Variants in CHIC2 observed in about 807,000 individuals in gnomAD.
CHIC2 encodes the protein cysteine rich hydrophobic domain 2, also known as cysteine-rich hydrophobic domain-containing protein 2.
A neutral mutation model predicts 25.9 loss-of-function variants in CHIC2; 14 were observed. The ratio of observed to expected loss-of-function variants is 0.54; its 90% CI spans 0.36 to 0.85. The LOEUF (loss-of-function observed/expected upper bound fraction) is 0.85. Ranked by LOEUF, CHIC2 falls within the 40% of genes least tolerant of loss-of-function variation. The pLI, the probability that CHIC2 is intolerant of heterozygous loss-of-function variation, is 0.01. For missense variants in CHIC2, 146 were observed against 202.0 expected (o/e 0.72, Z 1.68); for synonymous variants, 70 against 72.0 (o/e 0.97, Z 0.14).
In CHIC2 at chr4:54,062,522, C is replaced by T. The variant is rs150337487; in HGVS notation, c.119+1660G>A. The stretch of plus-strand genomic sequence containing the variant: ...ATTTTCTACCCTATTAACCTCTCCA[C>T]GTAGCCAACTACAATCAAGTTTACT... On this transcript the variant is annotated intron_variant, in intron 1 of 5. Coordinates refer to ENST00000263921, the MANE Select transcript of CHIC2 (RefSeq NM_012110.4). 6.5e-3 allele frequency among the ~76,000 whole-genome samples: 994 copies of T among 152,246 alleles called. 7 individuals are homozygous for T. The highest frequency in any genetic ancestry group is 0.022 in the African/African-American group (932 of 41,526).
chr4:54,046,881 A>C (rs1351745987), intron 3 of CHIC2, among the ~76,000 whole-genome samples: 3 of 152,210 alleles, frequency 2.0e-5, no homozygotes, highest in Admixed American at 6.5e-5. Flanking sequence ...AATGGGAGAA[A>C]ATTTTTGCAA....
chr4:54,087,810 A>G, the CHIC2 span: 29 of 409,920 alleles, frequency 7.1e-5, no homozygotes, highest in African/African-American at 5.1e-4. Flanking sequence ...ATTCACTGTT[A>G]TTTCCCTGAG....
At chr4:54,055,493 T>C (rs1473381239) in intron 1 of CHIC2, among the ~76,000 whole-genome samples, 1 of 152,166 alleles carries the variant, frequency 6.6e-6, no homozygotes, top group Non-Finnish European at 1.5e-5. Flanking sequence ...AGGCTGCCGT[T>C]GAAGCTGATT....
At chr4:54,051,227 A>G (rs997594700) in intron 1 of CHIC2, among the ~76,000 whole-genome samples, 1 of 152,010 alleles carries the variant, frequency 6.6e-6, no homozygotes, top group Non-Finnish European at 1.5e-5. Context: ...CCAGAACTAC[A>G]TAGTCAATCA....
In CHIC2 at chr4:54,028,242, TTTTAAATTCC is replaced by T. The variant is rs914812724; in HGVS notation, c.331-14133_331-14124del. Among the ~76,000 whole-genome samples the T allele has an allele frequency of 1.5e-3, 226 of 152,362 alleles. 1 individual carries two copies. The highest frequency in any genetic ancestry group is 5.0e-3 in the African/African-American group (207 of 41,590). On this transcript the variant is annotated intron_variant, in intron 3 of 5. Coordinates refer to ENST00000263921, the MANE Select transcript of CHIC2 (RefSeq NM_012110.4). ...CCTGAATTTCCTAACTCATGAAATCTTTTAAATTCCTTCCAAAGCTCTAAAACCTCTCTCT... is the reference window on the plus strand; with the variant it reads ...CCTGAATTTCCTAACTCATGAAATCTTTCCAAAGCTCTAAAACCTCTCTCT...
chr4:54,087,377 C>A, the CHIC2 span: 1 of 566,002 alleles, frequency 1.8e-6, no homozygotes, highest in Non-Finnish European at 3.2e-6. Flanking sequence ...CCCTGCTAAG[C>A]AAAATGTAGA....
intron 1 of CHIC2, among the ~76,000 whole-genome samples, chr4:54,052,407 C>A (rs1717029272): frequency 6.6e-6 from 1 of 152,126 alleles, no homozygotes; most frequent in African/African-American, 2.4e-5. Context: ...AATGTACCTA[C>A]AAGTTTACAT....
chr4:54,031,118 G>C (rs1192190258), intron 3 of CHIC2, among the ~76,000 whole-genome samples: 1 of 151,354 alleles, frequency 6.6e-6, no homozygotes, highest in Non-Finnish European at 1.5e-5. Flanking sequence ...ACACATTTTT[G>C]GAACTGGAAA....
the CHIC2 span, among the ~76,000 whole-genome samples, chr4:54,075,015 G>A: frequency 6.6e-6 from 1 of 152,182 alleles, no homozygotes; most frequent in Non-Finnish European, 1.5e-5. Context: ...GGAGGCTGAG[G>A]TGGGAGGATC....
At chr4:54,091,415 A>G in the CHIC2 span, among the ~76,000 whole-genome samples, 1 of 152,026 alleles carries the variant, frequency 6.6e-6, no homozygotes, top group Non-Finnish European at 1.5e-5. Flanking sequence ...CTCTCTACGC[A>G]CGTTCTCACA....
intron 1 of CHIC2, among the ~76,000 whole-genome samples, chr4:54,049,528 G>A (rs111709207): frequency 6.6e-6 from 1 of 152,276 alleles, no homozygotes; most frequent in African/African-American, 2.4e-5. Flanking sequence ...ATAAGGGGCT[G>A]AATGTTAATT....
rs542064027 is a variant in CHIC2 at position 54,053,736 on chromosome 4, A to G, written c.120-4431T>C. Among the ~76,000 whole-genome samples the G allele has an allele frequency of 6.6e-5, 10 of 152,122 alleles. No homozygotes were observed. The South Asian group carries it at 2.1e-3, about 32-fold the overall frequency. ...TTTTGTGTCATTTGTTTTTTTTTAA[A>G]TAAGAGCTATTTTTCAGAAATGTAT... is the stretch of plus-strand genomic sequence containing the variant. On this transcript the variant is annotated intron_variant, in intron 1 of 5. Coordinates refer to ENST00000263921, the MANE Select transcript of CHIC2 (RefSeq NM_012110.4).
chr4:54,033,697 A>C (rs180843932), intron 3 of CHIC2, among the ~76,000 whole-genome samples: 1 of 152,302 alleles, frequency 6.6e-6, no homozygotes, highest in East Asian at 1.9e-4. Context: ...TATACGGTTT[A>C]ATGTACAGAT....
Position 54,013,823 on chromosome 4 carries a change from G to C in CHIC2, c.447+14C>G. 6.2e-7 allele frequency: 1 copy of C among 1,611,072 alleles called. No individual in the cohort carries two copies. The highest frequency in any genetic ancestry group is 8.5e-7 in the Non-Finnish European group (1 of 1,177,836). On this transcript the variant is annotated intron_variant, in intron 5 of 5. Transcript: ENST00000263921. ...ATTTAATAGAGAAACTCACAAAACAGCCCTTTAACTTACATATTCCATCAT... is the reference window on the plus strand; with the variant it reads ...ATTTAATAGAGAAACTCACAAAACACCCCTTTAACTTACATATTCCATCAT...
In CHIC2 at chr4:54,049,094, A is replaced by C; in HGVS notation, c.191T>G (p.Phe64Cys). The change falls in exon 3 of 6, where the codon TTT becomes TGT. Residue 64 changes from phenylalanine to cysteine, a missense_variant. Phe to Cys is a radical substitution (Grantham distance 205). Coordinates refer to ENST00000263921, the MANE Select transcript of CHIC2 (RefSeq NM_012110.4). ...SLTGKVAPEEFKASINRVNSC... is the reference protein window; with the variant it reads ...SLTGKVAPEECKASINRVNSC... ...GTTAACTCTGTTGATGCTGGCTTTA[A>C]ATTCTTCAGGAGCTACCTAAAGAAA... 1 of 1,606,198 alleles carries C rather than the reference A, an allele frequency of 6.2e-7. No individual in the cohort carries two copies. Among genetic ancestry groups the C allele is most frequent in the Non-Finnish European group, 8.5e-7 (1 of 1,177,512 alleles).
At chr4:54,066,970 C>G (rs544548656), upstream of CHIC2, among the ~76,000 whole-genome samples, 91 of 152,356 alleles carry the variant, frequency 6.0e-4, no homozygotes, top group African/African-American at 2.0e-3. Context: ...TAGCTGACAA[C>G]TTCCCAAAGA....
At chr4:54,059,584 AT>A in intron 1 of CHIC2, 1 of 151,228 alleles carries the variant, frequency 6.6e-6, no homozygotes, top group Non-Finnish European at 1.5e-5. Flanking sequence ...AAAAAAAGTT[AT>A]AAAAAAAAAA....
At chr4:54,034,909 T>C (rs2110074159) in intron 3 of CHIC2, among the ~76,000 whole-genome samples, 1 of 152,346 alleles carries the variant, frequency 6.6e-6, no homozygotes, top group South Asian at 2.1e-4. Flanking sequence ...GAGGAAGTTT[T>C]ATTCTATTAG....
intron 5 of CHIC2, among the ~76,000 whole-genome samples, 196 bp from the exon 6 acceptor site, chr4:54,010,341 C>A (rs1184318670): frequency 6.6e-6 from 1 of 151,914 alleles, no homozygotes; most frequent in Non-Finnish European, 1.5e-5. Context: ...TGGACCTTTA[C>A]CAAATACACG....
Sources: allele counts gnomAD v4.1 joint callset (sites outside exome capture counted in the v4.1 genomes callset), GRCh38; gene constraint gnomAD v4.1.1; transcripts MANE v1.5; gene names NCBI Gene and HGNC (gene_info 2026-07-23, HGNC 2026-07-21).